The following NOX4 variants were observed in gnomAD, a reference collection of about 807,000 sequenced individuals.
NOX4 encodes the protein NADPH oxidase 4.
A neutral mutation model predicts 87.6 loss-of-function variants in NOX4; 69 were observed. That is an observed-to-expected ratio of 0.79 (90% CI 0.65 to 0.96). The LOEUF is 0.96. Ranked by LOEUF, NOX4 falls within the 40% of genes least tolerant of loss-of-function variation. The pLI, the probability that NOX4 is intolerant of heterozygous loss-of-function variation, is 0.00. For missense variants in NOX4, 680 were observed against 681.5 expected, an observed-to-expected ratio of 1.00 and a Z score of 0.02; for synonymous variants, 275 against 238.2, an observed-to-expected ratio of 1.15 and a Z score of -1.42.
chr11:89,353,218 A>G (rs1330291892), intron 13 of NOX4, among the ~76,000 whole-genome samples: 1 of 152,256 alleles, frequency 6.6e-6, no homozygotes, highest in Admixed American at 6.5e-5. Flanking sequence ...CAATTTTTAG[A>G]GAAGTTAAGC....
At chr11:89,342,324 C>A in intron 13 of NOX4, 131 bp from the exon 14 acceptor site, 3 of 697,382 alleles carry the variant, frequency 4.3e-6, no homozygotes, top group Non-Finnish European at 7.1e-6. Flanking sequence ...CATGGTTTCT[C>A]ATAGTGATTA....
At chr11:89,530,402 G>C in the NOX4 span, among the ~76,000 whole-genome samples, 1 of 147,286 alleles carries the variant, frequency 6.8e-6, no homozygotes, top group African/African-American at 2.5e-5. Context: ...GAGTGCAATG[G>C]CATGATCTTG....
intron 12 of NOX4, among the ~76,000 whole-genome samples, chr11:89,368,699 T>C (rs1380423159): frequency 6.6e-6 from 1 of 152,088 alleles, no homozygotes; most frequent in Non-Finnish European, 1.5e-5. Context: ...AATTTCAATA[T>C]ACGAATTACA....
the NOX4 span, among the ~76,000 whole-genome samples, chr11:89,561,389 T>A: frequency 7.9e-5 from 12 of 151,810 alleles, no homozygotes; most frequent in African/African-American, 1.2e-4. Context: ...GGTCAGAAAA[T>A]TATTCTTCTA....
Position 89,335,845 on chromosome 11 carries a change from C to A in NOX4, c.1616G>T (p.Gly539Val). 1 of 1,533,968 alleles carries A rather than the reference C, an allele frequency of 6.5e-7. No individual in the cohort carries two copies. The highest frequency in any genetic ancestry group is 8.9e-7 in the Non-Finnish European group (1 of 1,120,136). ...LFDEIAKYNR[G>V]KTVGVFCCGP... is the part of the protein sequence containing the mutation. ...CAAATTTTTGAGGTATAGTACTTACCCTCTGTTATATTTTGCTATTTCATC... is the reference window on the plus strand; with the variant it reads ...CAAATTTTTGAGGTATAGTACTTACACTCTGTTATATTTTGCTATTTCATC... Residue 539 changes from glycine (G) to valine (V), a missense_variant and splice_region_variant, in exon 17 of 18, where the codon GGA (glycine) becomes GTA (valine). By Grantham distance (109) the Gly-to-Val change is moderately radical. Transcript: ENST00000263317.
intron 2 of NOX4, among the ~76,000 whole-genome samples, chr11:89,461,983 C>T (rs1945490159): frequency 6.6e-6 from 1 of 150,478 alleles, no homozygotes; most frequent in Non-Finnish European, 1.5e-5. Context: ...TTTTATTCTG[C>T]TACTTTTGGG....
intron 12 of NOX4, among the ~76,000 whole-genome samples, chr11:89,370,341 A>G (rs538713663): frequency 1.3e-5 from 2 of 151,902 alleles, no homozygotes; most frequent in Admixed American, 1.3e-4. Context: ...GAAGGGATCA[A>G]TGGCAGAAAG....
chr11:89,486,880 A>C (rs1003179418), intron 2 of NOX4, among the ~76,000 whole-genome samples: 3 of 151,872 alleles, frequency 2.0e-5, no homozygotes, highest in African/African-American at 4.8e-5. Flanking sequence ...ATTCCTGCTT[A>C]GTAGAGGAGG....
the NOX4 span, among the ~76,000 whole-genome samples, chr11:89,579,317 T>A: frequency 6.6e-6 from 1 of 152,072 alleles, no homozygotes; most frequent in East Asian, 1.9e-4. Context: ...TGGGTGATAA[T>A]GGTGTGTCTG....
intron 11 of NOX4, among the ~76,000 whole-genome samples, chr11:89,385,092 C>T (rs1385773692): frequency 1.3e-5 from 2 of 152,136 alleles, no homozygotes; most frequent in African/African-American, 4.8e-5. Context: ...AACTCATTAC[C>T]TTAACTGGAG....
chr11:89,408,083 C>A (rs1462486577), intron 8 of NOX4, among the ~76,000 whole-genome samples: 2 of 151,926 alleles, frequency 1.3e-5, no homozygotes, highest in Non-Finnish European at 2.9e-5. Context: ...AACAATAAAA[C>A]CAAATTGTGT....
chr11:89,387,308 G>A (rs1372264870), intron 11 of NOX4, among the ~76,000 whole-genome samples: 1 of 152,018 alleles, frequency 6.6e-6, no homozygotes, highest in Non-Finnish European at 1.5e-5. Context: ...ATATTACCTT[G>A]TGAAATTCCT....
At chr11:89,417,738 C>G (rs1359678497) in intron 8 of NOX4, among the ~76,000 whole-genome samples, 1 of 152,042 alleles carries the variant, frequency 6.6e-6, no homozygotes, top group Non-Finnish European at 1.5e-5. Context: ...AGTATTGGTA[C>G]TAGTATAATT....
At chr11:89,439,388 C>T (rs906813287) in intron 6 of NOX4, among the ~76,000 whole-genome samples, 1 of 151,946 alleles carries the variant, frequency 6.6e-6, no homozygotes, top group Non-Finnish European at 1.5e-5. Context: ...AAAGAGAAAA[C>T]TGTGAAATAC....
chr11:89,411,980 T>A (rs890399477), intron 8 of NOX4, among the ~76,000 whole-genome samples: 2 of 152,018 alleles, frequency 1.3e-5, no homozygotes, highest in Non-Finnish European at 2.9e-5. Context: ...GAAAAACATA[T>A]TCCATGCCAA....
In NOX4 at chr11:89,432,816, G is replaced by A. The variant is rs766156844; in HGVS notation, c.516C>T (p.Phe172=). The A allele has an allele frequency of 1.4e-5, 22 of 1,611,422 alleles. No homozygotes were observed. In the South Asian group the frequency reaches 2.4e-4, roughly 18 times the overall value. Residue 172 remains phenylalanine (F), a synonymous_variant, in exon 7 of 18, where the codon TTC becomes TTT. Transcript: ENST00000263317. ...CATATGTAGAGGCTGTGATCATGAG[G>A]AATAGCACCACCACCATGCAGACCC... is the stretch of plus-strand genomic sequence containing the variant. ...LTGVCMVVVL[F]LMITASTYAI... is the part of the protein sequence containing the mutation.
chr11:89,501,866 A>C (rs912322203), upstream of NOX4, among the ~76,000 whole-genome samples: 8 of 152,198 alleles, frequency 5.3e-5, no homozygotes, highest in South Asian at 1.7e-3. Context: ...AGAATTTGAG[A>C]TTTACTGTGA....
intron 2 of NOX4, among the ~76,000 whole-genome samples, chr11:89,472,778 A>G (rs1946004822): frequency 6.6e-6 from 1 of 152,224 alleles, no homozygotes; most frequent in African/African-American, 2.4e-5. Flanking sequence ...TTAAACTTCA[A>G]CATAAATGGC....
At chr11:89,426,042 G>C (rs1436460043) in intron 7 of NOX4, among the ~76,000 whole-genome samples, 1 of 151,994 alleles carries the variant, frequency 6.6e-6, no homozygotes, top group Non-Finnish European at 1.5e-5. Flanking sequence ...CATTAGAAAG[G>C]ACATGTGAAA....
Sources: gnomAD v4.1 joint callset for allele counts (sites outside exome capture counted in the v4.1 genomes callset) on GRCh38, gnomAD v4.1.1 for gene constraint, MANE v1.5 for transcripts, NCBI Gene and HGNC (gene_info 2026-07-23, HGNC 2026-07-21) for gene names.